Variants in IL1RAPL1 observed in about 807,000 individuals in gnomAD.
IL1RAPL1 encodes the protein interleukin-1 receptor accessory protein-like 1.
IL1RAPL1 carries 3 observed loss-of-function variants against 48.4 expected under a neutral mutation model. The ratio of observed to expected loss-of-function variants is 0.06; its 90% CI spans 0.03 to 0.16. The LOEUF is 0.16. IL1RAPL1 is among the 10% of genes least tolerant of loss of function. IL1RAPL1 has a pLI of 1.00. For synonymous variants in IL1RAPL1, 185 were observed against 187.7 expected, an observed-to-expected ratio of 0.99 and a Z score of 0.12; for missense variants, 349 against 530.6, an observed-to-expected ratio of 0.66 and a Z score of 3.36.
chrX:29,208,850 TAA>T (rs1408840329), intron 2 of IL1RAPL1, among the ~76,000 whole-genome samples: 1 of 109,936 alleles, frequency 9.1e-6, no homozygotes, highest in African/African-American at 3.3e-5. Flanking sequence ...AGATGGAGAG[TAA>T]AGTGTTGGCA....
intron 2 of IL1RAPL1, among the ~76,000 whole-genome samples, chrX:29,026,621 A>G (rs1240270108): frequency 4.5e-5 from 5 of 112,097 alleles, no homozygotes; most frequent in African/African-American, 1.6e-4. Flanking sequence ...TATAGCATAA[A>G]TATTTCATCA....
At chrX:29,552,802 C>CCTTTTTTTT (rs766024975) in intron 5 of IL1RAPL1, among the ~76,000 whole-genome samples, 1 of 22,988 alleles carries the variant, frequency 4.4e-5, no homozygotes, top group Non-Finnish European at 7.5e-5. Context: ...TTTCACTCTC[C>CCTTTTTTTT]TTTTTTTTTT....
At chrX:29,692,060 T>A (rs1323445833) in intron 6 of IL1RAPL1, among the ~76,000 whole-genome samples, 1 of 112,152 alleles carries the variant, frequency 8.9e-6, no homozygotes, top group African/African-American at 3.2e-5. Flanking sequence ...TGTATGTGTA[T>A]ACACTGTAGA....
At chrX:28,865,130 G>C (rs1382752994) in intron 2 of IL1RAPL1, among the ~76,000 whole-genome samples, 1 of 111,742 alleles carries the variant, frequency 8.9e-6, no homozygotes, top group African/African-American at 3.3e-5. Context: ...TATGTTGACA[G>C]GGAGTTGTTA....
At chrX:29,776,710 C>G (rs762423787) in intron 6 of IL1RAPL1, among the ~76,000 whole-genome samples, 2 of 111,664 alleles carry the variant, frequency 1.8e-5, no homozygotes, top group East Asian at 5.6e-4. Flanking sequence ...GGTTTATAGT[C>G]TCTTTTTGAT....
chrX:29,228,349 G>GTA (rs1931126914), intron 2 of IL1RAPL1, among the ~76,000 whole-genome samples: 1 of 101,577 alleles, frequency 9.8e-6, no homozygotes, highest in African/African-American at 3.6e-5. Flanking sequence ...GTGTGTGTGT[G>GTA]TGTGTGTGTG....
chrX:29,233,334 G>A lies in IL1RAPL1; in HGVS notation c.83-49604G>A, dbSNP rs370991977. ...GACATCACTTCCTGATATTCTTCTG[G>A]CACCTCAACATGGCCCAAATCAAAT... On this transcript the variant is annotated intron_variant, in intron 2 of 10. Transcript: ENST00000378993. Among the ~76,000 whole-genome samples, 310 of 110,878 alleles carry A rather than the reference G, an allele frequency of 2.8e-3. 3 individuals are homozygous for A. In the South Asian group the frequency reaches 0.058, roughly 21 times the overall value.
At chrX:28,669,477 C>A (rs4396052) in intron 1 of IL1RAPL1, among the ~76,000 whole-genome samples, 1 of 107,107 alleles carries the variant, frequency 9.3e-6, no homozygotes, top group African/African-American at 3.4e-5. Context: ...AAACTAGCCC[C>A]TTGTGGTGGC....
At chrX:29,399,043 T>C in intron 4 of IL1RAPL1, 112 bp from the exon 5 acceptor site, 1 of 554,830 alleles carries the variant, frequency 1.8e-6, no homozygotes, top group Non-Finnish European at 3.0e-6. Context: ...AGTTTCAAAC[T>C]TTTTAGTCCC....
chrX:28,828,090 G>A (rs1390303276), intron 2 of IL1RAPL1, among the ~76,000 whole-genome samples: 3 of 111,485 alleles, frequency 2.7e-5, no homozygotes, highest in East Asian at 5.6e-4. Flanking sequence ...CTACATCCTG[G>A]TTTCATTGTC....
At chrX:29,679,646 TA>T (rs557925499) in intron 6 of IL1RAPL1, among the ~76,000 whole-genome samples, 1 of 111,972 alleles carries the variant, frequency 8.9e-6, no homozygotes, top group African/African-American at 3.2e-5. Flanking sequence ...ATTATTATTT[TA>T]AAAAAAACCC....
At chrX:29,664,209 C>T (rs929883341) in intron 5 of IL1RAPL1, among the ~76,000 whole-genome samples, 5 of 111,187 alleles carry the variant, frequency 4.5e-5, no homozygotes, top group Admixed American at 9.6e-5. Flanking sequence ...TCGAGACCAG[C>T]CTGACTAACG....
chrX:29,900,802 A>T (rs1245572712), intron 6 of IL1RAPL1, among the ~76,000 whole-genome samples: 1 of 111,970 alleles, frequency 8.9e-6, no homozygotes, highest in East Asian at 2.8e-4. Context: ...GTATATGGCC[A>T]TGATTTTATT....
chrX:29,071,996 A>G (rs1164062411), intron 2 of IL1RAPL1, among the ~76,000 whole-genome samples: 2 of 111,342 alleles, frequency 1.8e-5, no homozygotes, highest in Non-Finnish European at 3.8e-5. Context: ...TTCAGCGGCA[A>G]TGGAAGACTT....
chrX:28,702,842 G>GTT (rs34611882), intron 1 of IL1RAPL1, among the ~76,000 whole-genome samples: 7,986 of 105,080 alleles, frequency 0.076, 578 homozygotes, highest in East Asian at 0.34. Flanking sequence ...TCCATGTTGT[G>GTT]TTTTTTTTTT....
intron 6 of IL1RAPL1, among the ~76,000 whole-genome samples, chrX:29,794,230 C>T (rs192989520): frequency 2.2e-4 from 24 of 111,069 alleles, no homozygotes; most frequent in Admixed American, 1.8e-3. Flanking sequence ...TGAAGGAAAA[C>T]GGCATTATTT....
chrX:28,634,044 C>T (rs1286681317), intron 1 of IL1RAPL1, among the ~76,000 whole-genome samples: 6 of 109,984 alleles, frequency 5.5e-5, no homozygotes, highest in Non-Finnish European at 1.1e-4. Context: ...CTCATTCTGT[C>T]TCCCTGGCTG....
chrX:29,631,836 A>G (rs1157764570), intron 5 of IL1RAPL1, among the ~76,000 whole-genome samples: 1 of 111,462 alleles, frequency 9.0e-6, no homozygotes, highest in Non-Finnish European at 1.9e-5. Context: ...ATTACAGCTA[A>G]TTGAATCACA....
intron 2 of IL1RAPL1, among the ~76,000 whole-genome samples, chrX:29,242,796 A>AT: frequency 8.9e-6 from 1 of 112,151 alleles, no homozygotes; most frequent in Admixed American, 9.5e-5. Context: ...GCCAAGTCAT[A>AT]TTTTTCCATT....
Sources: gnomAD v4.1 joint callset for allele counts (sites outside exome capture counted in the v4.1 genomes callset) on GRCh38, gnomAD v4.1.1 for gene constraint, MANE v1.5 for transcripts, NCBI Gene and HGNC (gene_info 2026-07-23, HGNC 2026-07-21) for gene names.